Variants in KMT5B observed in about 807,000 individuals in gnomAD.
The protein encoded by KMT5B is histone-lysine N-methyltransferase KMT5B.
In KMT5B, 10 loss-of-function variants were observed where a neutral mutation model predicts 83.2. The ratio of observed to expected loss-of-function variants is 0.12; its 90% CI spans 0.07 to 0.20. The LOEUF (loss-of-function observed/expected upper bound fraction) is 0.20. Among genes scored for constraint, KMT5B ranks in the 10% least tolerant of loss-of-function variants. The pLI is 1.00. For synonymous variants in KMT5B, 349 were observed against 388.8 expected, an observed-to-expected ratio of 0.90 and a Z score of 1.20; for missense variants, 753 against 1,067.2, an observed-to-expected ratio of 0.71 and a Z score of 4.10.
intron 3 of KMT5B, among the ~76,000 whole-genome samples, chr11:68,181,454 A>G (rs1374853688): frequency 1.3e-5 from 2 of 152,218 alleles, no homozygotes; most frequent in African/African-American, 4.8e-5. Flanking sequence ...TAAAAAAGAG[A>G]AACTAAAAAG....
chr11:68,172,475 T>A (rs896979801), intron 6 of KMT5B, among the ~76,000 whole-genome samples: 6 of 151,868 alleles, frequency 4.0e-5, no homozygotes, highest in African/African-American at 1.5e-4. Flanking sequence ...GACGTCATGA[T>A]CCGCCCACCT....
chr11:68,189,958 A>C lies in KMT5B; in HGVS notation c.119T>G (p.Leu40Arg). The C allele has an allele frequency of 6.2e-7, 1 of 1,614,200 alleles. No individual in the cohort carries two copies. Among genetic ancestry groups the C allele is most frequent in the East Asian group, 2.2e-5 (1 of 44,886 alleles). Residue 40 changes from leucine (L) to arginine (R), a missense_variant, in exon 2 of 11, where the codon CTG (leucine) becomes CGG (arginine). Physicochemically the swap from Leu to Arg is moderately radical, Grantham distance 102. Around this residue, in one of 9 missense-constraint regions of KMT5B, gnomAD observed 56 missense variants for 91.4 expected, o/e 0.61. Transcript: ENST00000304363. Reference protein sequence around the residue: ...SKLQHTGKDTLKAGKNAVERR... With the variant: ...SKLQHTGKDTRKAGKNAVERR... ...CTCGACTGCATTTTTGCCAGCCTTCAGGGTGTCCTTCCCCGTGTGCTGTAA... is the reference window on the plus strand; with the variant it reads ...CTCGACTGCATTTTTGCCAGCCTTCCGGGTGTCCTTCCCCGTGTGCTGTAA...
intron 9 of KMT5B, among the ~76,000 whole-genome samples, chr11:68,170,394 G>A (rs1166106143): frequency 6.6e-6 from 1 of 152,088 alleles, no homozygotes; most frequent in Non-Finnish European, 1.5e-5. Flanking sequence ...TGCCTTTGAG[G>A]GGACTCTTCC....
At chr11:68,167,755 G>C (rs1434400873) in intron 9 of KMT5B, among the ~76,000 whole-genome samples, 1 of 152,170 alleles carries the variant, frequency 6.6e-6, no homozygotes, top group Non-Finnish European at 1.5e-5. Flanking sequence ...ACAAAGTCCA[G>C]CCCTTTAATA....
intron 3 of KMT5B, among the ~76,000 whole-genome samples, chr11:68,181,097 T>C (rs191491282): frequency 4.0e-5 from 6 of 150,706 alleles, no homozygotes; most frequent in African/African-American, 1.5e-4. Flanking sequence ...TTTTTGGAGA[T>C]AGAGTCTCAC....
chr11:68,192,972 T>C (rs1858264293), intron 1 of KMT5B, among the ~76,000 whole-genome samples: 1 of 152,226 alleles, frequency 6.6e-6, no homozygotes, highest in Admixed American at 6.5e-5. Flanking sequence ...TGGGGGATGC[T>C]TGTAATTTAT....
In KMT5B at chr11:68,155,918, G is replaced by A. The variant is rs181587734; in HGVS notation, c.*1770C>T. The stretch of plus-strand genomic sequence containing the variant: ...GATGAGACTATGTAAGACTGCAGAA[G>A]TAGTTCCTTAGAGAACCAGGAGAAA... On this transcript the variant is annotated 3_prime_UTR_variant, in exon 11 of 11. Coordinates refer to ENST00000304363, the MANE Select transcript of KMT5B (RefSeq NM_017635.5). 126 of 152,366 alleles carry A rather than the reference G, an allele frequency of 8.3e-4. No individual in the cohort carries two copies. Among genetic ancestry groups the A allele is most frequent in the African/African-American group, 2.9e-3 (122 of 41,590 alleles). The allele number at this position is 152,366 out of a possible 1,614,324, so 9.4% of individuals were successfully genotyped here. A position where few individuals can be genotyped will look rare whatever the true frequency, so the allele number is the denominator to read the frequency against.
At chr11:68,177,720 C>T (rs1166478800) in intron 4 of KMT5B, among the ~76,000 whole-genome samples, 1 of 152,090 alleles carries the variant, frequency 6.6e-6, no homozygotes, top group Non-Finnish European at 1.5e-5. Flanking sequence ...AATTGGTATA[C>T]AAGCCTTTAC....
intron 3 of KMT5B, among the ~76,000 whole-genome samples, chr11:68,183,999 G>C (rs1857197409): frequency 2.0e-5 from 3 of 152,078 alleles, no homozygotes; most frequent in African/African-American, 7.2e-5. Flanking sequence ...GCAGTCATTT[G>C]GCAGGGAACT....
rs367681559 is a variant in KMT5B at position 68,200,153 on chromosome 11, T to A, written c.-76-10001A>T. Among the ~76,000 whole-genome samples the A allele has an allele frequency of 1.2e-4, 18 of 152,318 alleles. No homozygotes were observed. The East Asian group carries it at 3.3e-3, about 28-fold the overall frequency. On this transcript the variant is annotated intron_variant, in intron 1 of 10. Coordinates refer to ENST00000304363, the MANE Select transcript of KMT5B (RefSeq NM_017635.5). The stretch of plus-strand genomic sequence containing the variant: ...TCTTCAAATAAAATCAAAGTATTAA[T>A]GGCATTTCAAGCCATGGAATCAGAT...
chr11:68,180,284 T>C, intron 3 of KMT5B, 84 bp from the exon 4 acceptor site: 1 of 1,493,120 alleles, frequency 6.7e-7, no homozygotes, highest in Non-Finnish European at 9.0e-7. Context: ...ACTTACAATA[T>C]TCGTTGTTGC....
rs1345387158 is a variant in KMT5B at position 68,163,828 on chromosome 11, C to G, written c.1174+3154G>C. ...CTCAGCAGAAAAGTGTTCAGATCAA[C>G]TCTTGACATGAGTGACAGGGCAGGA... On this transcript the variant is annotated intron_variant, in intron 10 of 10. Coordinates refer to ENST00000304363, the MANE Select transcript of KMT5B (RefSeq NM_017635.5). 2.0e-5 allele frequency among the ~76,000 whole-genome samples: 3 copies of G among 152,324 alleles called. No homozygotes were observed. The South Asian group carries it at 6.2e-4, about 32-fold the overall frequency.
rs140508162 is a variant in KMT5B at position 68,171,841 on chromosome 11, TG to T, written c.654-133del. On this transcript the variant is annotated intron_variant, in intron 6 of 10. Coordinates refer to ENST00000304363, the MANE Select transcript of KMT5B (RefSeq NM_017635.5). This position sits in a 1 kb window ranked among gnomAD's most constrained non-coding sequence, Gnocchi z 5.1. ...GCTGTCTATACTTTAGTTAGCTCAC[TG>T]GGATCCCCACCTGGCTATCTTCTCT... 0.025 allele frequency: 18,066 copies of T among 714,164 alleles called. 346 individuals are homozygous for T. Among genetic ancestry groups the T allele is most frequent in the Middle Eastern group, 0.087 (214 of 2,470 alleles). The allele number at this position is 714,164 out of a possible 1,614,324, so 44.2% of individuals were successfully genotyped here. A position where few individuals can be genotyped will look rare whatever the true frequency, so the allele number is the denominator to read the frequency against.
At chr11:68,180,905 T>A (rs1415650248) in intron 3 of KMT5B, among the ~76,000 whole-genome samples, 1 of 152,110 alleles carries the variant, frequency 6.6e-6, no homozygotes, top group Non-Finnish European at 1.5e-5. Flanking sequence ...AGTTCAAATT[T>A]CTCCCAATAA....
intron 1 of KMT5B, among the ~76,000 whole-genome samples, chr11:68,207,790 C>CA (rs1161587651): frequency 0.027 from 2,181 of 79,432 alleles, 20 homozygotes; most frequent in East Asian, 0.057. Flanking sequence ...GACTCCATCT[C>CA]AAAAAAAAAA....
rs774436611 is a variant in KMT5B at position 68,175,074 on chromosome 11, C to T, written c.487G>A (p.Ala163Thr). 2 of 1,614,002 alleles carry T rather than the reference C, an allele frequency of 1.2e-6. No homozygotes were observed. Among genetic ancestry groups the T allele is most frequent in the East Asian group, 4.5e-5 (2 of 44,874 alleles). Residue 163 changes from alanine (A) to threonine (T), a missense_variant, in exon 5 of 11, where the codon GCA (alanine) becomes ACA (threonine). Physicochemically the swap from Ala to Thr is moderately conservative, Grantham distance 58 (BLOSUM62 0). Coordinates refer to ENST00000304363, the MANE Select transcript of KMT5B (RefSeq NM_017635.5). ...AFKCLTSGEW[A>T]RHYFLNKNKM... Reference sequence around the variant, plus strand: ...TTCTTGTTGAGAAAATAGTGCCGTGCCCATTCGCCTGAAGTCAAACATTTG... The same window carrying T: ...TTCTTGTTGAGAAAATAGTGCCGTGTCCATTCGCCTGAAGTCAAACATTTG...
chr11:68,190,518 G>A (rs574997660), intron 1 of KMT5B, among the ~76,000 whole-genome samples: 3 of 152,180 alleles, frequency 2.0e-5, no homozygotes, highest in Non-Finnish European at 4.4e-5. Flanking sequence ...CTCCATGCAT[G>A]CTACTGCCCC....
intron 1 of KMT5B, among the ~76,000 whole-genome samples, chr11:68,205,039 A>T (rs1170079001): frequency 6.6e-6 from 1 of 152,202 alleles, no homozygotes; most frequent in African/African-American, 2.4e-5. Flanking sequence ...AAAATACATA[A>T]AATTCCAACA....
At chr11:68,163,861 G>A (rs1487956101) in intron 10 of KMT5B, among the ~76,000 whole-genome samples, 4 of 152,204 alleles carry the variant, frequency 2.6e-5, no homozygotes, top group Admixed American at 2.6e-4. Context: ...GGAGTGAGGA[G>A]CAGCGCCCCA....
Sources: gnomAD v4.1 joint callset for allele counts (sites outside exome capture counted in the v4.1 genomes callset) on GRCh38, gnomAD v4.1.1 for gene constraint, gnomAD v4.1.1 regional missense constraint, Gnocchi (gnomAD v3.1) non-coding constraint, MANE v1.5 for transcripts, NCBI Gene and HGNC (gene_info 2026-07-23, HGNC 2026-07-21) for gene names.